The following BCAP29 variants were observed in gnomAD, a reference collection of about 807,000 sequenced individuals.
BCAP29 encodes the protein B cell receptor associated protein 29.
A neutral mutation model predicts 31.8 loss-of-function variants in BCAP29; 34 were observed. The observed-to-expected ratio is 1.07, with a 90% confidence interval of 0.81 to 1.42. The LOEUF (loss-of-function observed/expected upper bound fraction) is 1.42. Among genes scored for constraint, BCAP29 ranks in the 40% most tolerant of loss-of-function variants. The pLI, the probability that BCAP29 is intolerant of heterozygous loss-of-function variation, is 0.00. For synonymous variants in BCAP29, 104 were observed against 91.3 expected, an observed-to-expected ratio of 1.14 and a Z score of -0.79; for missense variants, 314 against 269.2, an observed-to-expected ratio of 1.17 and a Z score of -1.16.
intron 5 of BCAP29, among the ~76,000 whole-genome samples, chr7:107,597,683 C>T (rs968550539): frequency 5.3e-5 from 8 of 152,146 alleles, no homozygotes; most frequent in African/African-American, 1.9e-4. Flanking sequence ...CAAGATCATT[C>T]AACTAATATG....
chr7:107,588,439 T>C (rs1287340201), intron 3 of BCAP29, among the ~76,000 whole-genome samples: 1 of 152,224 alleles, frequency 6.6e-6, no homozygotes, highest in African/African-American at 2.4e-5. Flanking sequence ...ACAATTTTGT[T>C]AAAGACATAG....
chr7:107,599,295 A>AATATATATAATTTTTATATATATAT (rs1810648123), intron 5 of BCAP29, among the ~76,000 whole-genome samples: 2 of 23,356 alleles, frequency 8.6e-5, no homozygotes, highest in African/African-American at 2.9e-4. Context: ...TTATATATAA[A>AATATATATAATTTTTATATATATAT]TTATATATAA....
chr7:107,616,885 C>T (rs1424438310), intron 7 of BCAP29, among the ~76,000 whole-genome samples: 2 of 152,186 alleles, frequency 1.3e-5, no homozygotes, highest in African/African-American at 2.4e-5. Flanking sequence ...ACTACAAGCA[C>T]ATGCCACCAT....
rs1814609887 is a variant in BCAP29 at position 107,618,578 on chromosome 7, C to T, written c.*215C>T. Reference sequence around the variant, plus strand: ...TTCCAGCTCTTAAGAAAAATATAAGCATGTTAAATACCATATTTACATATT... The same window carrying T: ...TTCCAGCTCTTAAGAAAAATATAAGTATGTTAAATACCATATTTACATATT... On this transcript the variant is annotated 3_prime_UTR_variant, in exon 8 of 8. Coordinates refer to ENST00000005259, the MANE Select transcript of BCAP29 (RefSeq NM_018844.4). 1 of 1,591,796 alleles carries T rather than the reference C, an allele frequency of 6.3e-7. No individual in the cohort carries two copies.
chr7:107,602,964 CTTTTTTT>C (rs34887499), intron 6 of BCAP29, among the ~76,000 whole-genome samples: 4 of 68,288 alleles, frequency 5.9e-5, no homozygotes, highest in Non-Finnish European at 7.6e-5. Context: ...TTCTTTTATT[CTTTTTTT>C]TTTTTTTTTT....
At chr7:107,593,540 T>G (rs1809260464) in intron 3 of BCAP29, among the ~76,000 whole-genome samples, 1 of 152,148 alleles carries the variant, frequency 6.6e-6, no homozygotes, top group South Asian at 2.1e-4. Context: ...TAATATGTAA[T>G]AAAATGCTAG....
chr7:107,589,643 G>A (rs568117762), intron 3 of BCAP29, among the ~76,000 whole-genome samples: 1 of 152,326 alleles, frequency 6.6e-6, no homozygotes, highest in South Asian at 2.1e-4. Context: ...GAGCAGTACA[G>A]GTGCATGGCT....
At chr7:107,591,269 G>A (rs1808707713) in intron 3 of BCAP29, among the ~76,000 whole-genome samples, 1 of 152,176 alleles carries the variant, frequency 6.6e-6, no homozygotes. Flanking sequence ...TAAAATTTAT[G>A]CAGACATGCA....
intron 6 of BCAP29, among the ~76,000 whole-genome samples, chr7:107,607,668 C>T (rs1215623746): frequency 6.8e-6 from 1 of 146,622 alleles, no homozygotes; most frequent in Non-Finnish European, 1.5e-5. Flanking sequence ...ACAGATTCTC[C>T]CTTTGTAGTG....
At chr7:107,603,225 C>T (rs1186789597) in intron 6 of BCAP29, 2 of 152,158 alleles carry the variant, frequency 1.3e-5, no homozygotes, top group Non-Finnish European at 2.9e-5. Flanking sequence ...CCGCGTCGGC[C>T]TCCCAAAGTG....
chr7:107,591,656 A>ACACACACACACACACACACACACCCC, intron 3 of BCAP29, among the ~76,000 whole-genome samples: 2 of 136,172 alleles, frequency 1.5e-5, no homozygotes, highest in South Asian at 2.5e-4. Flanking sequence ...ACACACACAC[A>ACACACACACACACACACACACACCCC]CCCTATTGGT....
downstream of BCAP29, chr7:107,622,808 T>G (rs747798105): frequency 2.6e-5 from 4 of 152,230 alleles, no homozygotes; most frequent in Non-Finnish European, 4.4e-5. Flanking sequence ...GAACAAAGAA[T>G]GATCTCTCAC....
intron 5 of BCAP29, 128 bp downstream of exon 5, chr7:107,596,130 T>C: frequency 1.3e-6 from 1 of 754,990 alleles, no homozygotes; most frequent in South Asian, 2.5e-5. Flanking sequence ...AACAATATTT[T>C]ATGTAATGAT....
intron 6 of BCAP29, among the ~76,000 whole-genome samples, chr7:107,610,403 A>G (rs963312569): frequency 6.6e-6 from 1 of 152,212 alleles, no homozygotes; most frequent in African/African-American, 2.4e-5. Flanking sequence ...TTCCAAAATA[A>G]TATGCCTCAA....
At chr7:107,601,256 G>A (rs1811127653) in intron 6 of BCAP29, among the ~76,000 whole-genome samples, 1 of 152,176 alleles carries the variant, frequency 6.6e-6, no homozygotes, top group African/African-American at 2.4e-5. Context: ...GCATACAACA[G>A]ATAGTTTTTT....
At chr7:107,580,613 C>T in intron 1 of BCAP29, 146 bp from the exon 2 acceptor site, 1 of 585,724 alleles carries the variant, frequency 1.7e-6, no homozygotes, top group Non-Finnish European at 2.9e-6. Flanking sequence ...CCCTTTTCCC[C>T]TTCCTGACCG....
At chr7:107,583,730 T>C (rs539625041) in intron 2 of BCAP29, 152 bp from the exon 3 acceptor site, 3 of 443,314 alleles carry the variant, frequency 6.8e-6, no homozygotes, top group South Asian at 5.8e-5. Context: ...TCATGAGATA[T>C]TCTGTCATGT....
rs1024753127 is a variant in BCAP29 at position 107,600,401 on chromosome 7, T to C, written c.485T>C (p.Leu162Ser). 4 of 1,590,624 alleles carry C rather than the reference T, an allele frequency of 2.5e-6. No homozygotes were observed. The African/African-American group carries it at 5.4e-5, about 21-fold the overall frequency. ...CTGTATCTCCTTTTGCAATAGATTTTGAAAAGCCATGGTAAAGATGAAGAA... is the reference window on the plus strand; with the variant it reads ...CTGTATCTCCTTTTGCAATAGATTTCGAAAAGCCATGGTAAAGATGAAGAA... Reference protein sequence around the residue: ...MEENEKLKRILKSHGKDEECV... With the variant: ...MEENEKLKRISKSHGKDEECV... Residue 162 changes from leucine to serine, a missense_variant, in exon 6 of 8, where the codon TTG (leucine) becomes TCG (serine). Physicochemically the swap from Leu to Ser is moderately radical, Grantham distance 145. Transcript: ENST00000005259.
chr7:107,612,417 A>G (rs948170200), intron 6 of BCAP29, among the ~76,000 whole-genome samples: 1 of 41,254 alleles, frequency 2.4e-5, no homozygotes, highest in Admixed American at 3.4e-4. Context: ...ATATATATAT[A>G]TATATATATA....
Sources: gnomAD v4.1 joint callset for allele counts (sites outside exome capture counted in the v4.1 genomes callset) on GRCh38, gnomAD v4.1.1 for gene constraint, MANE v1.5 for transcripts, NCBI Gene and HGNC (gene_info 2026-07-23, HGNC 2026-07-21) for gene names.